Variants in TBC1D22A observed in about 807,000 individuals in gnomAD.
TBC1D22A encodes putative GTPase activator.
In TBC1D22A, 38 loss-of-function variants were observed where a neutral mutation model predicts 60.2. The ratio of observed to expected loss-of-function variants is 0.63; its 90% CI spans 0.49 to 0.83. The LOEUF is 0.83. Among genes scored for constraint, TBC1D22A ranks in the 40% least tolerant of loss-of-function variants. TBC1D22A has a pLI of 0.00. For missense variants in TBC1D22A, 628 were observed against 701.0 expected, an observed-to-expected ratio of 0.90 and a Z score of 1.18; for synonymous variants, 302 against 281.7, an observed-to-expected ratio of 1.07 and a Z score of -0.72.
At chr22:46,838,973 G>A (rs1201405980) in intron 4 of TBC1D22A, among the ~76,000 whole-genome samples, 1 of 152,174 alleles carries the variant, frequency 6.6e-6, no homozygotes, top group Non-Finnish European at 1.5e-5. Context: ...TCTAAGATCA[G>A]GAAGAGGACA....
At chr22:47,169,608 C>T (rs894869562) in intron 12 of TBC1D22A, among the ~76,000 whole-genome samples, 3 of 152,158 alleles carry the variant, frequency 2.0e-5, no homozygotes, top group African/African-American at 7.2e-5. Flanking sequence ...CACTCGGTGT[C>T]CACTGGAAGG....
chr22:47,140,566 A>AAAG (rs1556313058), intron 12 of TBC1D22A, among the ~76,000 whole-genome samples: 5 of 150,718 alleles, frequency 3.3e-5, no homozygotes, highest in African/African-American at 1.2e-4. Context: ...AAAAAAAAAA[A>AAAG]AAAGAAAGAA....
In TBC1D22A at chr22:47,173,927, C is replaced by G. The variant is rs953871267; in HGVS notation, c.*301C>G. ...CAATGTCCTTGCCAAATGACTGCCTCGTGCTGCCCCTAGTCCGGGGCAGCC... is the reference window on the plus strand; with the variant it reads ...CAATGTCCTTGCCAAATGACTGCCTGGTGCTGCCCCTAGTCCGGGGCAGCC... On this transcript the variant is annotated 3_prime_UTR_variant, in exon 13 of 13. Transcript: ENST00000337137. 2 of 336,504 alleles carry G rather than the reference C, an allele frequency of 5.9e-6. No homozygotes were observed. The highest frequency in any genetic ancestry group is 4.4e-5 in the Admixed American group (1 of 22,782). 20.8% of individuals were successfully genotyped at this position (336,504 alleles called of 1,614,324 possible).
intron 8 of TBC1D22A, among the ~76,000 whole-genome samples, chr22:46,963,377 C>CTCATCA (rs1373445843): frequency 5.3e-5 from 8 of 151,388 alleles, no homozygotes; most frequent in African/African-American, 1.5e-4. Context: ...TCCCGCAGTG[C>CTCATCA]CCAAGGCTGG....
intron 12 of TBC1D22A, among the ~76,000 whole-genome samples, chr22:47,126,927 G>A (rs936339745): frequency 3.3e-5 from 5 of 152,222 alleles, no homozygotes; most frequent in Admixed American, 6.5e-5. Flanking sequence ...CTGCTGGAGG[G>A]TCAGGTGAGA....
At chr22:47,076,378 TATAC>T (rs773203200) in intron 11 of TBC1D22A, among the ~76,000 whole-genome samples, 215 of 106,696 alleles carry the variant, frequency 2.0e-3, no homozygotes, top group African/African-American at 6.6e-3. Context: ...TATATATATA[TATAC>T]ACACACACAC....
chr22:46,762,843 G>T lies in TBC1D22A; in HGVS notation c.57G>T (p.Pro19=). The T allele has an allele frequency of 6.8e-7, 1 of 1,467,596 alleles. No individual in the cohort carries two copies. Among genetic ancestry groups the T allele is most frequent in the Non-Finnish European group, 9.0e-7 (1 of 1,115,878 alleles). The allele number at this position is 1,467,596 out of a possible 1,614,324, so 90.9% of individuals were successfully genotyped here. ...QFWKRSNSKL[P]GSIQHVYGAQ... is the part of the protein sequence containing the mutation. ...GGAAGCGCAGCAACAGCAAGCTCCC[G>T]GGCAGGTGGGTGTGCCGCGGAGGGC... Residue 19 remains proline, a synonymous_variant, in exon 1 of 13, where the codon CCG becomes CCT. Coordinates refer to ENST00000337137, the MANE Select transcript of TBC1D22A (RefSeq NM_014346.5).
At chr22:46,820,911 G>T (rs949883893) in intron 4 of TBC1D22A, among the ~76,000 whole-genome samples, 1 of 152,184 alleles carries the variant, frequency 6.6e-6, no homozygotes, top group Non-Finnish European at 1.5e-5. Flanking sequence ...TGGTGCTGCT[G>T]TATTGGTTGC....
rs375921316 is a variant in TBC1D22A, at chr22:46,993,949, G to T, written c.1126-3685G>T. On this transcript the variant is annotated intron_variant, in intron 9 of 12. Coordinates refer to ENST00000337137, the MANE Select transcript of TBC1D22A (RefSeq NM_014346.5). ...AGCCTTGGCGCCTCGCCCTCGGGGG[G>T]TGGGGCCGGGCGTCCCTGCTACAGC... 2.6e-4 allele frequency among the ~76,000 whole-genome samples: 40 copies of T among 152,354 alleles called. No homozygotes were observed. The East Asian group carries it at 4.6e-3, about 18-fold the overall frequency.
intron 5 of TBC1D22A, among the ~76,000 whole-genome samples, chr22:46,890,766 T>C (rs1160416113): frequency 2.0e-5 from 3 of 152,160 alleles, no homozygotes; most frequent in Admixed American, 6.6e-5. Flanking sequence ...TCTTTGAAGA[T>C]AGCACATTTG....
intron 7 of TBC1D22A, among the ~76,000 whole-genome samples, chr22:46,910,013 G>C (rs561833693): frequency 6.6e-6 from 1 of 152,372 alleles, no homozygotes; most frequent in African/African-American, 2.4e-5. Context: ...CATTTGCTAA[G>C]CTTTGGTACA....
intron 12 of TBC1D22A, among the ~76,000 whole-genome samples, chr22:47,162,470 A>G (rs558797703): frequency 6.6e-6 from 1 of 152,300 alleles, no homozygotes; most frequent in African/African-American, 2.4e-5. Context: ...CCTCCTGCAT[A>G]GCCCAGGGAC....
At chr22:47,030,349 C>G (rs2062427330) in intron 10 of TBC1D22A, among the ~76,000 whole-genome samples, 1 of 152,156 alleles carries the variant, frequency 6.6e-6, no homozygotes, top group African/African-American at 2.4e-5. Context: ...TGTTTTATGC[C>G]AAGTCAATGG....
intron 9 of TBC1D22A, among the ~76,000 whole-genome samples, chr22:46,993,701 C>T (rs868301867): frequency 1.3e-5 from 2 of 152,230 alleles, no homozygotes; most frequent in South Asian, 4.1e-4. Context: ...CTGGGAGGGC[C>T]TGGGCGGTCA....
intron 12 of TBC1D22A, among the ~76,000 whole-genome samples, chr22:47,151,499 A>G (rs5767536): frequency 0.51 from 77,664 of 152,176 alleles, 21,680 homozygotes; most frequent in East Asian, 0.77. Context: ...TTGAAAATCA[A>G]TATTGCTACA....
At chr22:47,149,004 C>T (rs954894950) in intron 12 of TBC1D22A, among the ~76,000 whole-genome samples, 2 of 152,138 alleles carry the variant, frequency 1.3e-5, no homozygotes, top group African/African-American at 4.8e-5. Context: ...TGTGTCCCTT[C>T]ATGCAGGTTA....
At chr22:47,115,400 TGA>T (rs1256975952) in intron 12 of TBC1D22A, among the ~76,000 whole-genome samples, 1 of 111,716 alleles carries the variant, frequency 9.0e-6, no homozygotes, top group Non-Finnish European at 1.7e-5. Flanking sequence ...GCCTCTCCGC[TGA>T]GCCCTGCCCC....
intron 12 of TBC1D22A, among the ~76,000 whole-genome samples, chr22:47,153,882 C>T (rs778269637): frequency 4.6e-5 from 7 of 151,956 alleles, no homozygotes; most frequent in South Asian, 2.1e-4. Context: ...CGATGAGTCC[C>T]GTGTGGAGGC....
intron 11 of TBC1D22A, among the ~76,000 whole-genome samples, chr22:47,076,373 A>ATGTGTG (rs2064222520): frequency 9.5e-6 from 1 of 104,932 alleles, no homozygotes; most frequent in African/African-American, 4.2e-5. Flanking sequence ...ATATATATAT[A>ATGTGTG]TATATATACA....
Sources: gnomAD v4.1 joint callset for allele counts (sites outside exome capture counted in the v4.1 genomes callset) on GRCh38, gnomAD v4.1.1 for gene constraint, MANE v1.5 for transcripts, NCBI Gene and HGNC (gene_info 2026-07-23, HGNC 2026-07-21) for gene names.